Variants in PPP1R13B observed in about 807,000 individuals in gnomAD.
The protein encoded by PPP1R13B is apoptosis-stimulating of p53 protein 1.
In PPP1R13B, 44 loss-of-function variants were observed where a neutral mutation model predicts 119.8. That is an observed-to-expected ratio of 0.37 (90% CI 0.29 to 0.47). PPP1R13B has a LOEUF of 0.47. PPP1R13B is among the 20% of genes least tolerant of loss of function. PPP1R13B has a pLI of 0.99. For missense variants in PPP1R13B, 1,227 were observed against 1,413.5 expected (o/e 0.87, Z 2.12); for synonymous variants, 542 against 561.5 (o/e 0.97, Z 0.49).
chr14:103,832,482 G>A (rs1238461187), intron 1 of PPP1R13B, among the ~76,000 whole-genome samples: 2 of 152,164 alleles, frequency 1.3e-5, no homozygotes, highest in African/African-American at 4.8e-5. Context: ...AAGAATAAAG[G>A]TTATGTGAAG....
intron 1 of PPP1R13B, among the ~76,000 whole-genome samples, chr14:103,837,737 C>T (rs372691370): frequency 6.6e-6 from 1 of 152,276 alleles, no homozygotes; most frequent in East Asian, 1.9e-4. Flanking sequence ...CCTTACTGCA[C>T]CAACTATCTC....
Position 103,847,397 on chromosome 14 carries a change from C to T in PPP1R13B, c.-90G>A. On this transcript the variant is annotated 5_prime_UTR_variant, in exon 1 of 17. Transcript: ENST00000202556. ...CACCGCTCCGGCCGCCTCCTAAGGC[C>T]GCGCTCCCGCCGCCGTGCTCTCCGG... The T allele has an allele frequency of 9.5e-7, 1 of 1,052,988 alleles. No homozygotes were observed. The highest frequency in any genetic ancestry group is 1.1e-6 in the Non-Finnish European group (1 of 874,250). The allele number at this position is 1,052,988 out of a possible 1,614,324, so 65.2% of individuals were successfully genotyped here.
At chr14:103,823,380 G>A (rs2086458592) in intron 1 of PPP1R13B, among the ~76,000 whole-genome samples, 2 of 151,758 alleles carry the variant, frequency 1.3e-5, no homozygotes. Flanking sequence ...AATTTGGCAG[G>A]CCACTGCTCT....
At chr14:103,806,649 T>C (rs1330537665) in intron 1 of PPP1R13B, among the ~76,000 whole-genome samples, 2 of 152,150 alleles carry the variant, frequency 1.3e-5, no homozygotes, top group African/African-American at 4.8e-5. Context: ...GAAAACTAAG[T>C]CTAAGCCATC....
At chr14:103,797,243 A>G in intron 2 of PPP1R13B, 128 bp downstream of exon 2, 3 of 854,540 alleles carry the variant, frequency 3.5e-6, no homozygotes, top group Non-Finnish European at 5.3e-6. Context: ...TAAATACTAA[A>G]TTATATGTAC....
chr14:103,813,864 T>A (rs1489179463), intron 1 of PPP1R13B, among the ~76,000 whole-genome samples: 1 of 152,202 alleles, frequency 6.6e-6, no homozygotes, highest in Non-Finnish European at 1.5e-5. Context: ...TCATGAAACC[T>A]ACCAGGACTT....
rs1426728787 is a variant in PPP1R13B at position 103,780,825 on chromosome 14, A to G, written c.278-2004T>C. ...CTCTGTCTCTAAAAAAAAAAAAAAG[A>G]AAGGAAAAGAAAAAAAGAATATTAG... On this transcript the variant is annotated intron_variant, in intron 3 of 16. Transcript: ENST00000202556. Among the ~76,000 whole-genome samples, 14 of 151,382 alleles carry G rather than the reference A, an allele frequency of 9.2e-5. No individual in the cohort carries two copies. The South Asian group carries it at 1.9e-3, about 20-fold the overall frequency.
At chr14:103,768,343 T>C (rs1327501732) in intron 4 of PPP1R13B, among the ~76,000 whole-genome samples, 1 of 152,170 alleles carries the variant, frequency 6.6e-6, no homozygotes, top group Non-Finnish European at 1.5e-5. Context: ...GTCGCCAGGC[T>C]GGAGTGCAAG....
intron 11 of PPP1R13B, 127 bp downstream of exon 11, chr14:103,741,663 T>G: frequency 3.2e-6 from 4 of 1,237,232 alleles, no homozygotes; most frequent in African/African-American, 1.5e-5. Flanking sequence ...AGGCTGTACT[T>G]TTATGTAAGA....
In PPP1R13B at chr14:103,735,072, C is replaced by T. The variant is rs777328439; in HGVS notation, c.*82G>A. 4.0e-6 allele frequency: 6 copies of T among 1,506,948 alleles called. No homozygotes were observed. In the South Asian group the frequency reaches 5.6e-5, roughly 14 times the overall value. The allele number at this position is 1,506,948 out of a possible 1,614,324, so 93.3% of individuals were successfully genotyped here. ...CACCATTAAGACCATTTTCTAGCTGCAGCTTTCCTGGAAAACAGCACAATA... is the reference window on the plus strand; with the variant it reads ...CACCATTAAGACCATTTTCTAGCTGTAGCTTTCCTGGAAAACAGCACAATA... On this transcript the variant is annotated 3_prime_UTR_variant, in exon 17 of 17. Coordinates refer to ENST00000202556, the MANE Select transcript of PPP1R13B (RefSeq NM_015316.3).
intron 1 of PPP1R13B, among the ~76,000 whole-genome samples, chr14:103,805,112 C>T (rs1164973272): frequency 6.6e-6 from 1 of 152,132 alleles, no homozygotes; most frequent in South Asian, 2.1e-4. Flanking sequence ...GCTGGGATTA[C>T]AGGCGTGAGC....
In PPP1R13B at chr14:103,801,783, C is replaced by A. The variant is rs188176917; in HGVS notation, c.10-4265G>T. ...CCATGAATGACACACAAATATAGAA[C>A]CCCCACCATGCCCTAAGTTGAGAAA... On this transcript the variant is annotated intron_variant, in intron 1 of 16. Transcript: ENST00000202556. Among the ~76,000 whole-genome samples, 553 of 152,274 alleles carry A rather than the reference C, an allele frequency of 3.6e-3. 8 individuals carry two copies. The highest frequency in any genetic ancestry group is 6.4e-3 in the Non-Finnish European group (434 of 68,022).
At chr14:103,754,524 T>C (rs1419391446) in intron 5 of PPP1R13B, among the ~76,000 whole-genome samples, 1 of 124,240 alleles carries the variant, frequency 8.0e-6, no homozygotes, top group Non-Finnish European at 1.6e-5. Flanking sequence ...ATCGTGCCAC[T>C]GCACTCCAGC....
rs1210325705 is a variant in PPP1R13B, at chr14:103,831,312, C to CT, written c.9+15986dup. On this transcript the variant is annotated intron_variant, in intron 1 of 16. Coordinates refer to ENST00000202556, the MANE Select transcript of PPP1R13B (RefSeq NM_015316.3). ...AATTAATTTCAACTTCATTCTTTTA[C>CT]TTTTTTTTTTTTTTTTAGGCAGAGT... is the stretch of plus-strand genomic sequence containing the variant. Among the ~76,000 whole-genome samples the CT allele has an allele frequency of 5.8e-3, 711 of 123,240 alleles. 3 individuals are homozygous for CT. The highest frequency in any genetic ancestry group is 0.014 in the African/African-American group (460 of 33,880). 80.9% of individuals were successfully genotyped at this position (123,240 alleles called of 152,430 possible).
intron 7 of PPP1R13B, among the ~76,000 whole-genome samples, chr14:103,750,723 C>A (rs764499205): frequency 1.3e-5 from 2 of 149,950 alleles, no homozygotes; most frequent in Non-Finnish European, 3.0e-5. Context: ...CCCAGCTACT[C>A]GGGAGGCTGA....
chr14:103,828,419 C>T (rs1348485367), intron 1 of PPP1R13B, among the ~76,000 whole-genome samples: 6 of 150,514 alleles, frequency 4.0e-5, no homozygotes, highest in Admixed American at 4.0e-4. Flanking sequence ...TAGTGTAAGG[C>T]AGTGTTACCT....
rs565501083 is a variant in PPP1R13B, at chr14:103,742,520, A to G, written c.1320+134T>C. The G allele has an allele frequency of 6.7e-6, 9 of 1,338,706 alleles. No individual in the cohort carries two copies. The African/African-American group carries it at 8.8e-5, about 13-fold the overall frequency. The allele number at this position is 1,338,706 out of a possible 1,614,324, so 82.9% of individuals were successfully genotyped here. On this transcript the variant is annotated intron_variant, in intron 10 of 16. Transcript: ENST00000202556. This position sits in a 1 kb window ranked among gnomAD's most constrained non-coding sequence, Gnocchi z 4.9. ...TCTTAGGGCCCAGTAACCCTCTAGG[A>G]CTTTGGGTGTTGTCTGGACAATAAC...
upstream of PPP1R13B, chr14:103,847,683 GC>G (rs1567170110): frequency 2.2e-6 from 2 of 928,336 alleles, no homozygotes; most frequent in African/African-American, 3.6e-5. Flanking sequence ...GGGAGCGGGG[GC>G]GGGGAGAGGG....
rs528455242 is a variant in PPP1R13B at position 103,764,688 on chromosome 14, G to T, written c.355-6937C>A. ...TTTCTTTTGAGCTTTTAATTTCAGG[G>T]TTTTTTTTTCATTTGTGAAAGTTCT... On this transcript the variant is annotated intron_variant, in intron 4 of 16. Transcript: ENST00000202556. Among the ~76,000 whole-genome samples the T allele has an allele frequency of 1.3e-4, 20 of 150,460 alleles. No individual in the cohort carries two copies. The South Asian group carries it at 3.0e-3, about 22-fold the overall frequency.
Sources: allele counts gnomAD v4.1 joint callset (sites outside exome capture counted in the v4.1 genomes callset), GRCh38; gene constraint gnomAD v4.1.1; non-coding constraint Gnocchi (gnomAD v3.1); transcripts MANE v1.5; gene names NCBI Gene and HGNC (gene_info 2026-07-23, HGNC 2026-07-21).